The following CENPP variants were observed in gnomAD, a reference collection of about 807,000 sequenced individuals.
CENPP encodes the protein centromere protein P.
In CENPP, 24 loss-of-function variants were observed where a neutral mutation model predicts 35.6. That is an observed-to-expected ratio of 0.67 (90% CI 0.49 to 0.95). The LOEUF is 0.95. CENPP is among the 40% of genes least tolerant of loss of function. The probability of loss-of-function intolerance (pLI) is 0.00; values close to 1 mark genes in which losing one functional copy is unlikely to be tolerated. For synonymous variants in CENPP, 120 were observed against 125.5 expected (o/e 0.96, Z 0.29); for missense variants, 332 against 345.3 (o/e 0.96, Z 0.31).
intron 5 of CENPP, among the ~76,000 whole-genome samples, chr9:92,483,392 C>G (rs1394806775): frequency 6.6e-6 from 1 of 152,136 alleles, no homozygotes; most frequent in Non-Finnish European, 1.5e-5. Context: ...CCACGCCTGG[C>G]TAATTTTTTG....
intron 5 of CENPP, among the ~76,000 whole-genome samples, chr9:92,552,814 TC>T (rs1167117571): frequency 6.6e-6 from 1 of 152,208 alleles, no homozygotes; most frequent in Non-Finnish European, 1.5e-5. Flanking sequence ...TGCTGACTGT[TC>T]CTTTTGCCGT....
At chr9:92,392,628 G>C (rs898762581) in intron 5 of CENPP, among the ~76,000 whole-genome samples, 1 of 151,030 alleles carries the variant, frequency 6.6e-6, no homozygotes, top group Non-Finnish European at 1.5e-5. Context: ...TTGGGGGGAG[G>C]GGGGAGAAAA....
At chr9:92,368,990 G>C (rs550573767) in intron 4 of CENPP, among the ~76,000 whole-genome samples, 1 of 152,308 alleles carries the variant, frequency 6.6e-6, no homozygotes, top group East Asian at 1.9e-4. Context: ...GTTACAGTGA[G>C]TTACGATCAT....
rs1303860094 is a variant in CENPP at position 92,451,727 on chromosome 9, T to A, written c.564+71868T>A. 2.6e-3 allele frequency among the ~76,000 whole-genome samples: 390 copies of A among 149,952 alleles called. 3 individuals carry two copies. Among genetic ancestry groups the A allele is most frequent in the African/African-American group, 9.2e-3 (379 of 41,194 alleles). ...TCACGATATTGATTCTTCCTACCCA[T>A]GAGCATGGAATGTTCTTCCATTTGT... On this transcript the variant is annotated intron_variant, in intron 5 of 7. Transcript: ENST00000375587.
intron 5 of CENPP, among the ~76,000 whole-genome samples, chr9:92,609,907 A>AT (rs989359639): frequency 7.3e-5 from 11 of 150,662 alleles, no homozygotes; most frequent in African/African-American, 1.7e-4. Flanking sequence ...CGCCCAGCTA[A>AT]TTTTTTTTAG....
chr9:92,559,912 C>G (rs1849811584), intron 5 of CENPP, among the ~76,000 whole-genome samples: 1 of 152,188 alleles, frequency 6.6e-6, no homozygotes, highest in Non-Finnish European at 1.5e-5. Context: ...TGCCTGTAAT[C>G]CCAGCACTTT....
At chr9:92,413,966 A>G (rs1254636733) in intron 5 of CENPP, among the ~76,000 whole-genome samples, 1 of 152,170 alleles carries the variant, frequency 6.6e-6, no homozygotes, top group Admixed American at 6.5e-5. Flanking sequence ...TGTCTGTTGC[A>G]TATTGTCAGA....
Position 92,421,445 on chromosome 9 carries a change from C to T in CENPP, c.564+41586C>T, listed in dbSNP as rs746882699. On this transcript the variant is annotated intron_variant, in intron 5 of 7. Coordinates refer to ENST00000375587, the MANE Select transcript of CENPP (RefSeq NM_001012267.3). ...GTGATTTCACACTACAGTCAGTGTT[C>T]GTGGGTGAAAAAGTAGAGAATCTTG... 1.0e-3 allele frequency among the ~76,000 whole-genome samples: 154 copies of T among 152,154 alleles called. 3 individuals are homozygous for T. Among genetic ancestry groups the T allele is most frequent in the Admixed American group, 1.7e-3 (26 of 15,288 alleles).
At chr9:92,454,907 C>G (rs1463825271) in intron 5 of CENPP, among the ~76,000 whole-genome samples, 1 of 152,168 alleles carries the variant, frequency 6.6e-6, no homozygotes, top group Admixed American at 6.5e-5. Flanking sequence ...TCTACTCATA[C>G]CATGGTCTTC....
At position 92,564,449 on chromosome 9, in the gene CENPP, AAGGT is replaced by A. The variant is rs903002576; in HGVS notation, c.565-46861_565-46858del. Among the ~76,000 whole-genome samples the A allele has an allele frequency of 1.7e-4, 26 of 152,294 alleles. No individual in the cohort carries two copies. The East Asian group carries it at 4.6e-3, about 27-fold the overall frequency. ...TCTAATAGAAAGATATTTCTTTACT[AAGGT>A]AGGGGGAATTCAAGATATCATTAGG... On this transcript the variant is annotated intron_variant, in intron 5 of 7. Coordinates refer to ENST00000375587, the MANE Select transcript of CENPP (RefSeq NM_001012267.3).
intron 5 of CENPP, among the ~76,000 whole-genome samples, chr9:92,545,822 A>T (rs571492250): frequency 1.3e-5 from 2 of 152,326 alleles, no homozygotes; most frequent in South Asian, 4.1e-4. Flanking sequence ...TAAATGCACC[A>T]ATCAGCACAC....
chr9:92,494,005 C>T (rs374607616), intron 5 of CENPP: 38 of 1,454,718 alleles, frequency 2.6e-5, no homozygotes, highest in South Asian at 2.0e-4. Context: ...CCAGTGTGCT[C>T]GTCGCATTGT....
rs1267038132 is a variant in CENPP, at chr9:92,593,485, T to C, written c.565-17829T>C. Among the ~76,000 whole-genome samples the C allele has an allele frequency of 3.9e-5, 6 of 152,228 alleles. No homozygotes were observed. Among genetic ancestry groups the C allele is most frequent in the Non-Finnish European group, 7.3e-5 (5 of 68,034 alleles). On this transcript the variant is annotated intron_variant, in intron 5 of 7. Transcript: ENST00000375587. The surrounding 1 kb of genome is among the most constrained non-coding windows in gnomAD (Gnocchi z 4.1). ...TCTTTCCTTCTGCCCTCATTTCCCC[T>C]AATTCAAGAGCTATTCTATGTTGAA... is the stretch of plus-strand genomic sequence containing the variant.
intron 5 of CENPP, among the ~76,000 whole-genome samples, chr9:92,438,695 G>A (rs181970964): frequency 6.6e-5 from 10 of 152,348 alleles, no homozygotes; most frequent in Admixed American, 3.3e-4. Flanking sequence ...GTTCTTGCCT[G>A]GAATCCCAGC....
At chr9:92,591,158 G>T (rs992854313) in intron 5 of CENPP, among the ~76,000 whole-genome samples, 2 of 152,054 alleles carry the variant, frequency 1.3e-5, no homozygotes, top group African/African-American at 2.4e-5. Flanking sequence ...GGTGGCTCAC[G>T]CCTGTAATCC....
intron 5 of CENPP, among the ~76,000 whole-genome samples, chr9:92,455,166 G>T (rs1844837377): frequency 6.6e-6 from 1 of 152,184 alleles, no homozygotes; most frequent in Admixed American, 6.6e-5. Flanking sequence ...GGAGGCTAAG[G>T]CTTGGAGGAT....
intron 5 of CENPP, among the ~76,000 whole-genome samples, chr9:92,514,388 C>T (rs539029448): frequency 1.3e-5 from 2 of 151,848 alleles, no homozygotes; most frequent in South Asian, 2.1e-4. Context: ...GATTCTCCTG[C>T]CTCGGCCTTC....
intron 5 of CENPP, among the ~76,000 whole-genome samples, chr9:92,380,667 T>A (rs1277272910): frequency 6.6e-6 from 1 of 152,240 alleles, no homozygotes; most frequent in Non-Finnish European, 1.5e-5. Flanking sequence ...TGTACTATAG[T>A]ACCTTGAGGT....
At position 92,383,449 on chromosome 9, in the gene CENPP, A is replaced by G. The variant is rs1301644860; in HGVS notation, c.564+3590A>G. Among the ~76,000 whole-genome samples the G allele has an allele frequency of 2.0e-5, 3 of 152,276 alleles. No individual in the cohort carries two copies. In the East Asian group the frequency reaches 5.8e-4, roughly 29 times the overall value. ...ATAAACACAAGACATCTTTCCATTT[A>G]TGTATGTCTTTAGTTTTTTTCAGCA... is the stretch of plus-strand genomic sequence containing the variant. On this transcript the variant is annotated intron_variant, in intron 5 of 7. Coordinates refer to ENST00000375587, the MANE Select transcript of CENPP (RefSeq NM_001012267.3).
Sources: allele counts gnomAD v4.1 joint callset (sites outside exome capture counted in the v4.1 genomes callset), GRCh38; gene constraint gnomAD v4.1.1; non-coding constraint Gnocchi (gnomAD v3.1); transcripts MANE v1.5; gene names NCBI Gene and HGNC (gene_info 2026-07-23, HGNC 2026-07-21).